Variants in VWA1 observed in about 807,000 individuals in gnomAD.
VWA1 encodes the protein von Willebrand factor A domain-containing protein 1.
Under a neutral mutation model 14.9 loss-of-function variants are expected in VWA1, and 12 were observed. The observed-to-expected ratio is 0.80, with a 90% confidence interval of 0.52 to 1.30. The LOEUF (loss-of-function observed/expected upper bound fraction) is 1.30, where lower values mean the gene tolerates loss of function less well. Ranked by LOEUF, VWA1 falls within the 50% of genes most tolerant of loss-of-function variation. VWA1 has a pLI of 0.00. For missense variants in VWA1, 800 were observed against 649.1 expected, an observed-to-expected ratio of 1.23 and a Z score of -2.53; for synonymous variants, 368 against 310.7, an observed-to-expected ratio of 1.18 and a Z score of -1.94.
In VWA1 at chr1:1,439,567, G is replaced by T; in HGVS notation, c.1118G>T (p.Gly373Val). 2 of 1,305,876 alleles carry T rather than the reference G, an allele frequency of 1.5e-6. No homozygotes were observed. The highest frequency in any genetic ancestry group is 1.9e-6 in the Non-Finnish European group (2 of 1,029,866). 80.9% of individuals were successfully genotyped at this position (1,305,876 alleles called of 1,614,324 possible). A position where few individuals can be genotyped will look rare whatever the true frequency, so the allele number is the denominator to read the frequency against. Residue 373 changes from glycine to valine, a missense_variant, in exon 3 of 3, where the codon GGC (glycine) becomes GTC (valine). By Grantham distance (109) the Gly-to-Val change is moderately radical. Coordinates refer to ENST00000476993, the MANE Select transcript of VWA1 (RefSeq NM_022834.5). The stretch of plus-strand genomic sequence containing the variant: ...CACGTGCAGTTCGGGCCGCTGCGGG[G>T]CGGGGAGGCGCAGCGGGTGGAGGTG... ...GYHVQFGPLR[G>V]GEAQRVEVPA...
Position 1,435,801 on chromosome 1 carries a change from C to A in VWA1, c.53C>A (p.Ala18Glu). Residue 18 changes from alanine (A) to glutamate (E), a missense_variant, in exon 1 of 3, where the codon GCG (alanine) becomes GAG (glutamate). By Grantham distance (107) the Ala-to-Glu change is moderately radical. Transcript: ENST00000476993. ...GLALSLRLAL[A>E]RSGAERGPPA... ...GCCCTGAGCTTGCGGCTGGCGCTGG[C>A]GCGGAGCGGCGCGGAGCGCGGTGAG... is the stretch of plus-strand genomic sequence containing the variant. The A allele has an allele frequency of 8.4e-7, 1 of 1,184,224 alleles. No homozygotes were observed. Among genetic ancestry groups the A allele is most frequent in the Non-Finnish European group, 1.0e-6 (1 of 957,404 alleles). 73.4% of individuals were successfully genotyped at this position (1,184,224 alleles called of 1,614,324 possible).
chr1:1,439,287 G>T lies in VWA1; in HGVS notation c.838G>T (p.Asp280Tyr), dbSNP rs769608647. Residue 280 changes from aspartate to tyrosine, a missense_variant, in exon 3 of 3, where the codon GAC becomes TAC. Transcript: ENST00000476993. Reference protein sequence around the residue: ...WAGLDPDTDYDVALVPESNVR... With the variant: ...WAGLDPDTDYYVALVPESNVR... ...CGGCCTCGACCCGGACACGGACTACGACGTGGCGCTAGTGCCTGAGTCCAA... is the reference window on the plus strand; with the variant it reads ...CGGCCTCGACCCGGACACGGACTACTACGTGGCGCTAGTGCCTGAGTCCAA... The T allele has an allele frequency of 6.2e-7, 1 of 1,601,962 alleles. No individual in the cohort carries two copies. The highest frequency in any genetic ancestry group is 2.2e-5 in the East Asian group (1 of 44,514).
chr1:1,435,877 C>T (rs1638526448), intron 1 of VWA1, 56 bp downstream of exon 1: 9 of 987,894 alleles, frequency 9.1e-6, no homozygotes, highest in Non-Finnish European at 9.7e-6. Flanking sequence ...CGCTCTGCGC[C>T]GCTGCCCGCG....
intron 1 of VWA1, among the ~76,000 whole-genome samples, chr1:1,436,153 G>A (rs1638535487): frequency 6.6e-6 from 1 of 152,340 alleles, no homozygotes; most frequent in Middle Eastern, 3.4e-3. Flanking sequence ...CTTAGTGGAG[G>A]GATGGTAGGG....
rs1488998634 is a variant in VWA1 at position 1,442,465 on chromosome 1, G to A, written c.*2678G>A. ...GTACTTCGAGGAGACCCCGAAGGGA[G>A]GCTGCTCCCACACCTGCGCCAGTTT... On this transcript the variant is annotated 3_prime_UTR_variant, in exon 3 of 3. Transcript: ENST00000476993. The A allele has an allele frequency of 2.0e-5, 3 of 152,356 alleles. No homozygotes were observed. The highest frequency in any genetic ancestry group is 4.4e-5 in the Non-Finnish European group (3 of 68,114). The allele number at this position is 152,356 out of a possible 1,614,324, so 9.4% of individuals were successfully genotyped here. A position where few individuals can be genotyped will look rare whatever the true frequency, so the allele number is the denominator to read the frequency against.
Position 1,439,126 on chromosome 1 carries a change from G to T in VWA1, c.677G>T (p.Ser226Ile). 7 of 1,600,876 alleles carry T rather than the reference G, an allele frequency of 4.4e-6. No homozygotes were observed. The highest frequency in any genetic ancestry group is 5.9e-6 in the Non-Finnish European group (7 of 1,179,400). ...QQLHATEITS[S>I]GFRLAWPPLL... is the part of the protein sequence containing the mutation. ...CTCCATGCCACGGAGATCACGTCCA[G>T]CGGCTTCCGCCTGGCCTGGCCACCC... The change falls in exon 3 of 3, where the codon AGC (serine) becomes ATC (isoleucine). Residue 226 changes from serine to isoleucine, a missense_variant. Ser to Ile is a moderately radical substitution (Grantham distance 142). Coordinates refer to ENST00000476993, the MANE Select transcript of VWA1 (RefSeq NM_022834.5).
chr1:1,437,142 GC>G lies in VWA1; in HGVS notation c.292del (p.Gln98ArgfsTer45). ...CGGCCAGCACAGCTCGGGTGAGGCT[GC>G]CCAGGATGCGGTGCGTGCTTCTGCC... ...PFGQHSSGEA[A>X]QDAVRASAQR... On this transcript the variant is annotated frameshift_variant, in exon 2 of 3. Transcript: ENST00000476993. LOFTEE classifies it high-confidence loss of function. 2.5e-6 allele frequency: 4 copies of G among 1,607,076 alleles called. No homozygotes were observed. Among genetic ancestry groups the G allele is most frequent in the Non-Finnish European group, 3.4e-6 (4 of 1,175,866 alleles).
Position 1,440,367 on chromosome 1 carries a change from A to T in VWA1, c.*580A>T, listed in dbSNP as rs1301875375. On this transcript the variant is annotated 3_prime_UTR_variant, in exon 3 of 3. Coordinates refer to ENST00000476993, the MANE Select transcript of VWA1 (RefSeq NM_022834.5). The stretch of plus-strand genomic sequence containing the variant: ...CATGCCCAGGACACCAGCTGGGTCC[A>T]GCTAGCAGCCACTGGGAATCAGAGG... 1 of 166,914 alleles carries T rather than the reference A, an allele frequency of 6.0e-6. No individual in the cohort carries two copies. The highest frequency in any genetic ancestry group is 1.5e-5 in the Non-Finnish European group (1 of 68,166). The allele number at this position is 166,914 out of a possible 1,614,324, so 10.3% of individuals were successfully genotyped here. A position where few individuals can be genotyped will look rare whatever the true frequency, so the allele number is the denominator to read the frequency against.
Position 1,437,021 on chromosome 1 carries a change from T to C in VWA1, c.168T>C (p.Phe56=). 1 of 1,612,448 alleles carries C rather than the reference T, an allele frequency of 6.2e-7. No homozygotes were observed. Among genetic ancestry groups the C allele is most frequent in the South Asian group, 1.1e-5 (1 of 91,024 alleles). Residue 56 remains phenylalanine (F), a synonymous_variant, in exon 2 of 3, where the codon TTT becomes TTC. Transcript: ENST00000476993. The part of the protein sequence containing the change: ...SHYEFSRVRE[F]VGQLVAPLPL... ...ACGAGTTCTCCCGGGTTCGGGAGTT[T>C]GTGGGGCAGCTGGTGGCTCCACTGC...
At position 1,439,388 on chromosome 1, in the gene VWA1, G is replaced by C; in HGVS notation, c.939G>C (p.Pro313=). 1 of 1,481,438 alleles carries C rather than the reference G, an allele frequency of 6.8e-7. No individual in the cohort carries two copies. The highest frequency in any genetic ancestry group is 8.9e-7 in the Non-Finnish European group (1 of 1,123,446). The allele number at this position is 1,481,438 out of a possible 1,614,324, so 91.8% of individuals were successfully genotyped here. Residue 313 remains proline (P), a synonymous_variant, in exon 3 of 3, where the codon CCG becomes CCC. Coordinates refer to ENST00000476993, the MANE Select transcript of VWA1 (RefSeq NM_022834.5). ...PGEAGPGASG[P]ESGAGPAPTQ... ...AGGCAGGGCCGGGGGCTTCGGGCCCGGAGTCGGGGGCTGGGCCGGCCCCCA... is the reference window on the plus strand; with the variant it reads ...AGGCAGGGCCGGGGGCTTCGGGCCCCGAGTCGGGGGCTGGGCCGGCCCCCA...
chr1:1,436,287 GC>G (rs1473521138), intron 1 of VWA1, among the ~76,000 whole-genome samples: 1 of 152,170 alleles, frequency 6.6e-6, no homozygotes, highest in South Asian at 2.1e-4. Flanking sequence ...CCCCGGAGGT[GC>G]CCGGAGGAAG....
In VWA1 at chr1:1,437,319, C is replaced by A. The variant is rs1279568403; in HGVS notation, c.466C>A (p.Gln156Lys). The A allele has an allele frequency of 6.2e-7, 1 of 1,611,926 alleles. No homozygotes were observed. The highest frequency in any genetic ancestry group is 1.1e-5 in the South Asian group (1 of 90,872). ...GSSDPVGPPM[Q>K]ELKDLGVTVF... ...CAGCGACCCTGTGGGCCCCCCCATG[C>A]AGGAGCTCAAGGACCTGGGCGTCAC... Residue 156 changes from glutamine to lysine, a missense_variant, in exon 2 of 3, where the codon CAG (glutamine) becomes AAG (lysine). Transcript: ENST00000476993.
At position 1,441,366 on chromosome 1, in the gene VWA1, G is replaced by A. The variant is rs1396511609; in HGVS notation, c.*1579G>A. The A allele has an allele frequency of 1.3e-5, 2 of 152,304 alleles. No homozygotes were observed. The highest frequency in any genetic ancestry group is 2.9e-5 in the Non-Finnish European group (2 of 68,096). 9.4% of individuals were successfully genotyped at this position (152,304 alleles called of 1,614,324 possible). On this transcript the variant is annotated 3_prime_UTR_variant, in exon 3 of 3. Coordinates refer to ENST00000476993, the MANE Select transcript of VWA1 (RefSeq NM_022834.5). Reference sequence around the variant, plus strand: ...GCTGGGGCCAGGCTCACCACGCAGAGTTTGCCCTCCGGTGTGATGATGCAT... The same window carrying A: ...GCTGGGGCCAGGCTCACCACGCAGAATTTGCCCTCCGGTGTGATGATGCAT...
Position 1,439,708 on chromosome 1 carries a change from G to A in VWA1, c.1259G>A (p.Cys420Tyr), listed in dbSNP as rs1369236209. The A allele has an allele frequency of 5.0e-6, 6 of 1,192,022 alleles. No individual in the cohort carries two copies. Among genetic ancestry groups the A allele is most frequent in the East Asian group, 5.1e-5 (1 of 19,514 alleles). 73.8% of individuals were successfully genotyped at this position (1,192,022 alleles called of 1,614,324 possible). A position where few individuals can be genotyped will look rare whatever the true frequency, so the allele number is the denominator to read the frequency against. ...GAGAGCGCGCTGTCCGCCAAGGCCT[G>A]CACGCCCGACGGCCCGCGCCCGCGC... Reference protein sequence around the residue: ...GRESALSAKACTPDGPRPRPR... With the variant: ...GRESALSAKAYTPDGPRPRPR... The change falls in exon 3 of 3, where the codon TGC (cysteine) becomes TAC (tyrosine). Residue 420 changes from cysteine to tyrosine, a missense_variant. Coordinates refer to ENST00000476993, the MANE Select transcript of VWA1 (RefSeq NM_022834.5).
Position 1,439,597 on chromosome 1 carries a change from C to T in VWA1, c.1148C>T (p.Ala383Val). The change falls in exon 3 of 3, where the codon GCG (alanine) becomes GTG (valine). Residue 383 changes from alanine to valine, a missense_variant. Transcript: ENST00000476993. ...GAGGCGCAGCGGGTGGAGGTGCCCGCGGGCCGCAACTGCACCACGCTGCAG... is the reference window on the plus strand; with the variant it reads ...GAGGCGCAGCGGGTGGAGGTGCCCGTGGGCCGCAACTGCACCACGCTGCAG... The part of the protein sequence containing the change: ...GGEAQRVEVP[A>V]GRNCTTLQGL... The T allele has an allele frequency of 7.7e-7, 1 of 1,300,516 alleles. No individual in the cohort carries two copies. 80.6% of individuals were successfully genotyped at this position (1,300,516 alleles called of 1,614,324 possible).
intron 1 of VWA1, 137 bp from the exon 2 acceptor site, chr1:1,436,790 T>C: frequency 2.3e-6 from 2 of 876,614 alleles, no homozygotes; most frequent in East Asian, 2.7e-5. Context: ...TTAGAGTTCC[T>C]CTTTCCCCCA....
chr1:1,437,401 C>G lies in VWA1; in HGVS notation c.548C>G (p.Ser183Ter), dbSNP rs750227698. 26 of 1,612,844 alleles carry G rather than the reference C, an allele frequency of 1.6e-5. No individual in the cohort carries two copies. Among genetic ancestry groups the G allele is most frequent in the Non-Finnish European group, 2.1e-5 (25 of 1,179,990 alleles). ...TTCCTGGAGCTGTCAGCCGCTGCCT[C>G]AGCCCCTGCCGAGAAGCACCTGCAC... ...GNFLELSAAA[S>*]APAEKHLHFV... The change falls in exon 2 of 3, where the codon TCA becomes TGA. Residue 183 changes from serine (S) to a stop codon, truncating the protein, a stop_gained. Coordinates refer to ENST00000476993, the MANE Select transcript of VWA1 (RefSeq NM_022834.5). LOFTEE classifies it high-confidence loss of function.
chr1:1,435,858 T>A, intron 1 of VWA1, 37 bp downstream of exon 1: 1 of 1,093,238 alleles, frequency 9.1e-7, no homozygotes, highest in Non-Finnish European at 1.1e-6. Flanking sequence ...GGCTGGGGCT[T>A]CTGGTGACCG....
In VWA1 at chr1:1,440,023, G is replaced by A; in HGVS notation, c.*236G>A. On this transcript the variant is annotated 3_prime_UTR_variant, in exon 3 of 3. Transcript: ENST00000476993. ...CCGCAGCAGCCCCGGCCCCATCCCC[G>A]CCCAGAGCCGGGCGTCGTGTGGGTC... is the stretch of plus-strand genomic sequence containing the variant. 6.9e-6 allele frequency: 2 copies of A among 288,094 alleles called. No homozygotes were observed. The highest frequency in any genetic ancestry group is 1.1e-5 in the Non-Finnish European group (2 of 175,372). The allele number at this position is 288,094 out of a possible 1,614,324, so 17.8% of individuals were successfully genotyped here.
Sources: allele counts gnomAD v4.1 joint callset (sites outside exome capture counted in the v4.1 genomes callset), GRCh38; gene constraint gnomAD v4.1.1; transcripts MANE v1.5; gene names NCBI Gene and HGNC (gene_info 2026-07-23, HGNC 2026-07-21).